Variants in TXNRD1 observed in about 807,000 individuals in gnomAD.
The protein encoded by TXNRD1 is thioredoxin reductase 1, cytoplasmic.
Under a neutral mutation model 80.3 loss-of-function variants are expected in TXNRD1, and 57 were observed. The ratio of observed to expected loss-of-function variants is 0.71; its 90% confidence interval spans 0.57 to 0.89. The LOEUF (loss-of-function observed/expected upper bound fraction) is 0.89. Ranked by LOEUF, TXNRD1 falls within the 40% of genes least tolerant of loss-of-function variation. TXNRD1 has a pLI of 0.00. For missense variants in TXNRD1, 730 were observed against 803.0 expected (o/e 0.91, Z 1.10); for synonymous variants, 291 against 285.2 (o/e 1.02, Z -0.20).
At chr12:104,256,971 CTTTTCTT>C (rs372659558) in intron 2 of TXNRD1, among the ~76,000 whole-genome samples, 4,670 of 89,880 alleles carry the variant, frequency 0.052, 158 homozygotes, top group Middle Eastern at 0.063. Context: ...AATATATTTT[CTTTTCTT>C]TTTTTTTTTT....
At chr12:104,320,832 A>G (rs1168268889) in intron 9 of TXNRD1, among the ~76,000 whole-genome samples, 1 of 152,206 alleles carries the variant, frequency 6.6e-6, no homozygotes, top group Admixed American at 6.5e-5. Flanking sequence ...GAATTGGACT[A>G]ACTGACTAAT....
intron 1 of TXNRD1, among the ~76,000 whole-genome samples, chr12:104,250,479 GA>G (rs1408408773): frequency 6.6e-6 from 1 of 152,116 alleles, no homozygotes; most frequent in Admixed American, 6.5e-5. Flanking sequence ...AGGTTCTAGA[GA>G]ATGATAACCT....
At chr12:104,281,596 TG>T (rs970875318) in intron 3 of TXNRD1, among the ~76,000 whole-genome samples, 1 of 151,736 alleles carries the variant, frequency 6.6e-6, no homozygotes, top group African/African-American at 2.4e-5. Flanking sequence ...TTAGTAGAGA[TG>T]GGGTTTCACT....
intron 4 of TXNRD1, among the ~76,000 whole-genome samples, chr12:104,306,632 T>C (rs2034926845): frequency 6.6e-6 from 1 of 152,214 alleles, no homozygotes; most frequent in African/African-American, 2.4e-5. Context: ...TCACCAATAA[T>C]AGAGTAGAGG....
chr12:104,324,900 C>T (rs2035702765), intron 10 of TXNRD1, among the ~76,000 whole-genome samples: 1 of 152,166 alleles, frequency 6.6e-6, no homozygotes, highest in Non-Finnish European at 1.5e-5. Context: ...GTAATCTATC[C>T]TTTGTTGTCA....
intron 3 of TXNRD1, among the ~76,000 whole-genome samples, chr12:104,277,730 C>T (rs1193911880): frequency 5.3e-5 from 8 of 151,748 alleles, no homozygotes; most frequent in African/African-American, 1.2e-4. Flanking sequence ...TCAAGTTTAC[C>T]GGATTTACTT....
chr12:104,348,319 A>G (rs745607661), intron 16 of TXNRD1, 34 bp from the exon 17 acceptor site: 4 of 1,610,750 alleles, frequency 2.5e-6, no homozygotes, highest in Non-Finnish European at 3.4e-6. Context: ...TTGCTCAGGC[A>G]TCTGAAGATG....
At chr12:104,220,726 C>CAA (rs1213272755) in intron 1 of TXNRD1, among the ~76,000 whole-genome samples, 4 of 25,600 alleles carry the variant, frequency 1.6e-4, no homozygotes, top group Non-Finnish European at 2.1e-4. Context: ...ACTCCGTCTC[C>CAA]AAAAAAAAAA....
At chr12:104,224,907 A>G (rs552882665) in intron 1 of TXNRD1, 3 of 456,658 alleles carry the variant, frequency 6.6e-6, no homozygotes, top group African/African-American at 6.0e-5. Context: ...GGCAGGTAAA[A>G]TTGCCATTGT....
At position 104,315,824 on chromosome 12, in the gene TXNRD1, A is replaced by T. The variant is rs759696226; in HGVS notation, c.658A>T (p.Met220Leu). Residue 220 changes from methionine to leucine, a missense_variant, in exon 7 of 17, where the codon ATG becomes TTG. Transcript: ENST00000525566. ...VNVGCIPKKLMHQAALLGQAL... is the reference protein window; with the variant it reads ...VNVGCIPKKLLHQAALLGQAL... Reference sequence around the variant, plus strand: ...TGTGGGTTGCATACCTAAAAAACTGATGCATCAAGCAGCTTTGTTAGGACA... The same window carrying T: ...TGTGGGTTGCATACCTAAAAAACTGTTGCATCAAGCAGCTTTGTTAGGACA... 2 of 1,612,486 alleles carry T rather than the reference A, an allele frequency of 1.2e-6. No homozygotes were observed. Among genetic ancestry groups the T allele is most frequent in the South Asian group, 2.2e-5 (2 of 91,030 alleles).
At chr12:104,238,736 A>G (rs974725118) in intron 1 of TXNRD1, among the ~76,000 whole-genome samples, 1 of 152,150 alleles carries the variant, frequency 6.6e-6, no homozygotes, top group Non-Finnish European at 1.5e-5. Context: ...CCTGGGATAA[A>G]TTTCACTCAG....
rs748306730 is a variant in TXNRD1, at chr12:104,289,055, C to T, written c.414+15C>T. On this transcript the variant is annotated intron_variant, in intron 4 of 16. Transcript: ENST00000525566. ...CAACCTTGAAGGTAGGAGAGAGTAACGTATCTTTTTAAACGGGGGATGAGC... is the reference window on the plus strand; with the variant it reads ...CAACCTTGAAGGTAGGAGAGAGTAATGTATCTTTTTAAACGGGGGATGAGC... The T allele has an allele frequency of 1.3e-5, 21 of 1,606,582 alleles. No homozygotes were observed. In the East Asian group the frequency reaches 4.7e-4, roughly 36 times the overall value.
rs998375886 is a variant in TXNRD1, at chr12:104,240,358, A to G, written c.92-11169A>G. On this transcript the variant is annotated intron_variant, in intron 1 of 16. Transcript: ENST00000525566. ...CTTATTTCTCAGCTTTTTGTGAGAG[A>G]TCTCAACTGGGAAGATTGAGGTAGT... is the stretch of plus-strand genomic sequence containing the variant. Among the ~76,000 whole-genome samples, 5 of 82,802 alleles carry G rather than the reference A, an allele frequency of 6.0e-5. No individual in the cohort carries two copies. The East Asian group carries it at 1.7e-3, about 28-fold the overall frequency. 54.3% of individuals were successfully genotyped at this position (82,802 alleles called of 152,430 possible).
At chr12:104,276,777 G>A (rs1225026352) in intron 3 of TXNRD1, 2 of 152,052 alleles carry the variant, frequency 1.3e-5, no homozygotes, top group Non-Finnish European at 2.9e-5. Context: ...TCGGCTCTTG[G>A]GACAGTCACT....
chr12:104,317,780 G>A (rs922614046), intron 7 of TXNRD1, among the ~76,000 whole-genome samples: 8 of 152,204 alleles, frequency 5.3e-5, no homozygotes, highest in African/African-American at 1.9e-4. Context: ...AGGCTGCAGT[G>A]AGCTGTGATT....
At chr12:104,302,864 A>G (rs2034696332) in intron 4 of TXNRD1, among the ~76,000 whole-genome samples, 1 of 152,160 alleles carries the variant, frequency 6.6e-6, no homozygotes, top group South Asian at 2.1e-4. Flanking sequence ...ACTGCACTTG[A>G]GTTTCCAGTG....
chr12:104,289,278 C>T, intron 4 of TXNRD1: 1 of 415,344 alleles, frequency 2.4e-6, no homozygotes, highest in Non-Finnish European at 4.3e-6. Context: ...TTTAAAATAG[C>T]TTTTTAAAAA....
At chr12:104,284,228 G>A (rs898401452) in intron 3 of TXNRD1, 2 of 152,236 alleles carry the variant, frequency 1.3e-5, no homozygotes, top group Admixed American at 6.5e-5. Context: ...GAAGTTTGTG[G>A]TCTTAACTTT....
At chr12:104,322,768 T>G (rs1230321415) in intron 10 of TXNRD1, among the ~76,000 whole-genome samples, 1 of 152,218 alleles carries the variant, frequency 6.6e-6, no homozygotes, top group Non-Finnish European at 1.5e-5. Flanking sequence ...TATGCTGTAC[T>G]GATAGAAAGT....
Sources: allele counts gnomAD v4.1 joint callset (sites outside exome capture counted in the v4.1 genomes callset), GRCh38; gene constraint gnomAD v4.1.1; transcripts MANE v1.5; gene names NCBI Gene and HGNC (gene_info 2026-07-23, HGNC 2026-07-21).